The following PTPRN2 variants were observed in gnomAD, a reference collection of about 807,000 sequenced individuals.
PTPRN2 encodes the protein receptor-type tyrosine-protein phosphatase N2.
In PTPRN2, 74 loss-of-function variants were observed where a neutral mutation model predicts 118.8. The ratio of observed to expected loss-of-function variants is 0.62; its 90% CI spans 0.52 to 0.76. PTPRN2 has a LOEUF of 0.76. PTPRN2 is among the 30% of genes least tolerant of loss of function. PTPRN2 has a pLI of 0.00. For synonymous variants in PTPRN2, 641 were observed against 608.0 expected (o/e 1.05, Z -0.80); for missense variants, 1,481 against 1,394.4 (o/e 1.06, Z -0.99).
rs1826900940 is a variant in PTPRN2, at chr7:158,555,275, G to A, written c.112+32283C>T. ...GCAAGATCCCACAGCTGCCTTTTGGGGGAGGTTGGGGCTTATGCCTTAGGG... is the reference window on the plus strand; with the variant it reads ...GCAAGATCCCACAGCTGCCTTTTGGAGGAGGTTGGGGCTTATGCCTTAGGG... On this transcript the variant is annotated intron_variant, in intron 1 of 22. Transcript: ENST00000389418. The surrounding 1 kb of genome is among the most constrained non-coding windows in gnomAD (Gnocchi z 4.7). Among the ~76,000 whole-genome samples, 1 of 152,214 alleles carries A rather than the reference G, an allele frequency of 6.6e-6. No individual in the cohort carries two copies.
At chr7:158,368,616 A>G (rs1271121094) in intron 2 of PTPRN2, among the ~76,000 whole-genome samples, 1 of 152,200 alleles carries the variant, frequency 6.6e-6, no homozygotes, top group Admixed American at 6.5e-5. Flanking sequence ...CCAGGAGGCC[A>G]CTGCTTTGCT....
chr7:157,857,474 G>A (rs1411462394), intron 12 of PTPRN2: 1 of 152,280 alleles, frequency 6.6e-6, no homozygotes, highest in East Asian at 1.9e-4. Flanking sequence ...GGCGCGTGAT[G>A]GAGGAGCCCC....
intron 2 of PTPRN2, among the ~76,000 whole-genome samples, chr7:158,336,379 A>C (rs372816079): frequency 3.9e-3 from 179 of 46,454 alleles, no homozygotes; most frequent in African/African-American, 7.6e-3. Flanking sequence ...GAGCTGACAC[A>C]TGCAGACGTC....
chr7:157,644,703 G>A (rs1804922393), intron 14 of PTPRN2, among the ~76,000 whole-genome samples: 1 of 151,766 alleles, frequency 6.6e-6, no homozygotes, highest in African/African-American at 2.4e-5. Flanking sequence ...GCTGAGGCAG[G>A]AGAATCACTT....
chr7:157,902,928 GA>G lies in PTPRN2; in HGVS notation c.1724-4192del, dbSNP rs1797553802. Among the ~76,000 whole-genome samples, 10 of 152,300 alleles carry G rather than the reference GA, an allele frequency of 6.6e-5. No homozygotes were observed. The South Asian group carries it at 2.1e-3, about 32-fold the overall frequency. On this transcript the variant is annotated intron_variant, in intron 11 of 22. Coordinates refer to ENST00000389418, the MANE Select transcript of PTPRN2 (RefSeq NM_002847.5). ...CCAAGCTGATTGTGAGCCTCTCCAG[GA>G]CAGGCAAGGTTCTTCAGGGTCTATG...
intron 11 of PTPRN2, among the ~76,000 whole-genome samples, chr7:157,978,220 C>G (rs1266726098): frequency 6.6e-6 from 1 of 151,930 alleles, no homozygotes. Context: ...AGCTCTCAGA[C>G]ATCGGTGAAA....
At position 157,658,926 on chromosome 7, in the gene PTPRN2, C is replaced by T. The variant is rs138221130; in HGVS notation, c.2002-2375G>A. Among the ~76,000 whole-genome samples the T allele has an allele frequency of 1.5e-3, 222 of 152,198 alleles. 1 individual carries two copies. Among genetic ancestry groups the T allele is most frequent in the African/African-American group, 4.7e-3 (195 of 41,546 alleles). ...AAGCCACCCACTCGCTCCCCACAGC[C>T]GTGTGCGTCAAAGGCCTTGCACTCC... On this transcript the variant is annotated intron_variant, in intron 13 of 22. Transcript: ENST00000389418.
chr7:157,916,293 G>A (rs184059603), intron 11 of PTPRN2, among the ~76,000 whole-genome samples: 2 of 152,304 alleles, frequency 1.3e-5, no homozygotes, highest in East Asian at 3.9e-4. Context: ...ATGGTCCCAG[G>A]CTCCTGTGCA....
intron 12 of PTPRN2, among the ~76,000 whole-genome samples, chr7:157,866,431 C>T (rs73165875): frequency 0.19 from 29,386 of 152,052 alleles, 2,989 homozygotes; most frequent in South Asian, 0.25. Context: ...AGCACACACA[C>T]GACCATATGT....
chr7:158,322,495 A>C (rs1297886219), intron 2 of PTPRN2, among the ~76,000 whole-genome samples: 1 of 151,548 alleles, frequency 6.6e-6, no homozygotes, highest in East Asian at 1.9e-4. Context: ...GGCGACGGGG[A>C]GGGAGCAGTT....
intron 12 of PTPRN2, among the ~76,000 whole-genome samples, chr7:157,786,771 C>T (rs368523286): frequency 2.6e-5 from 4 of 152,250 alleles, no homozygotes; most frequent in African/African-American, 9.6e-5. Flanking sequence ...CATTTAAAAA[C>T]GCGTAAGACT....
At chr7:158,055,354 C>T (rs562864479) in intron 11 of PTPRN2, among the ~76,000 whole-genome samples, 6 of 152,266 alleles carry the variant, frequency 3.9e-5, no homozygotes, top group South Asian at 2.1e-4. Context: ...CCAAGCGGAC[C>T]GTGGTCAAGC....
chr7:158,489,730 C>T lies in PTPRN2; in HGVS notation c.163+5G>A. On this transcript the variant is annotated splice_donor_5th_base_variant and intron_variant, in intron 2 of 22. Coordinates refer to ENST00000389418, the MANE Select transcript of PTPRN2 (RefSeq NM_002847.5). ...AGGGCGCAGCAGCCAGGACCCCACA[C>T]TCACCGTTCACACAGGCCTCGGACG... 1 of 1,578,374 alleles carries T rather than the reference C, an allele frequency of 6.3e-7. No homozygotes were observed. The highest frequency in any genetic ancestry group is 8.6e-7 in the Non-Finnish European group (1 of 1,163,526).
At chr7:157,932,733 C>CAT (rs1313512238) in intron 11 of PTPRN2, among the ~76,000 whole-genome samples, 11 of 145,554 alleles carry the variant, frequency 7.6e-5, no homozygotes, top group South Asian at 6.7e-4. Context: ...GTGAGTCACT[C>CAT]GGACAGTTTT....
intron 12 of PTPRN2, among the ~76,000 whole-genome samples, chr7:157,746,491 G>A (rs1037408954): frequency 2.1e-5 from 3 of 145,620 alleles, no homozygotes; most frequent in African/African-American, 7.8e-5. Flanking sequence ...GGAGATCACG[G>A]GACTCCCTGC....
At chr7:158,234,503 C>CTAA (rs749556760) in intron 3 of PTPRN2, among the ~76,000 whole-genome samples, 3 of 93,130 alleles carry the variant, frequency 3.2e-5, no homozygotes, top group African/African-American at 1.3e-4. Flanking sequence ...TACAAATGGC[C>CTAA]AACAGATATA....
At chr7:157,899,959 C>T (rs1300567745) in intron 11 of PTPRN2, among the ~76,000 whole-genome samples, 5 of 152,212 alleles carry the variant, frequency 3.3e-5, no homozygotes, top group African/African-American at 7.2e-5. Context: ...GCTGTCCTCC[C>T]GCAAACAGAG....
chr7:158,396,592 G>A (rs187994692), intron 2 of PTPRN2, among the ~76,000 whole-genome samples: 9 of 152,278 alleles, frequency 5.9e-5, no homozygotes, highest in Middle Eastern at 6.8e-3. Context: ...CAGGATGTTA[G>A]AGGCCACCCA....
chr7:157,540,811 G>C, intron 22 of PTPRN2, 26 bp from the exon 23 acceptor site: 3 of 1,532,776 alleles, frequency 2.0e-6, no homozygotes, highest in Non-Finnish European at 2.7e-6. Flanking sequence ...CGAGAGAAGT[G>C]CCAATGAGAG....
Sources: gnomAD v4.1 joint callset for allele counts (sites outside exome capture counted in the v4.1 genomes callset) on GRCh38, gnomAD v4.1.1 for gene constraint, Gnocchi (gnomAD v3.1) non-coding constraint, MANE v1.5 for transcripts, NCBI Gene and HGNC (gene_info 2026-07-23, HGNC 2026-07-21) for gene names.